The following RPTOR variants were observed in gnomAD, a reference collection of about 807,000 sequenced individuals.
RPTOR encodes regulatory-associated protein of mTOR.
In RPTOR, 21 loss-of-function variants were observed where a neutral mutation model predicts 169.9. That is an observed-to-expected ratio of 0.12 (90% CI 0.09 to 0.18). RPTOR has a LOEUF of 0.18. RPTOR is among the 10% of genes least tolerant of loss of function. The pLI, the probability that RPTOR is intolerant of heterozygous loss-of-function variation, is 1.00. For synonymous variants in RPTOR, 732 were observed against 753.2 expected (o/e 0.97, Z 0.46); for missense variants, 1,133 against 1,855.9 (o/e 0.61, Z 7.16).
chr17:80,897,633 A>G (rs995286665), intron 20 of RPTOR, among the ~76,000 whole-genome samples: 1 of 152,120 alleles, frequency 6.6e-6, no homozygotes, highest in Non-Finnish European at 1.5e-5. Context: ...CTCACCAGCT[A>G]TTTCTTTGGG....
At chr17:80,552,000 C>T (rs2084351791) in intron 1 of RPTOR, among the ~76,000 whole-genome samples, 2 of 152,182 alleles carry the variant, frequency 1.3e-5, no homozygotes, top group South Asian at 2.1e-4. Context: ...ATCCATTTAA[C>T]CCTGAGTTTG....
intron 10 of RPTOR, among the ~76,000 whole-genome samples, chr17:80,839,977 G>A (rs2067609507): frequency 6.6e-6 from 1 of 152,178 alleles, no homozygotes; most frequent in Non-Finnish European, 1.5e-5. Context: ...ACAAGCCGGG[G>A]ATAACTGACG....
chr17:80,842,201 G>T (rs775318086), intron 10 of RPTOR, among the ~76,000 whole-genome samples: 1 of 152,242 alleles, frequency 6.6e-6, no homozygotes, highest in African/African-American at 2.4e-5. Context: ...TCACATCAGA[G>T]CCTGAGACAA....
chr17:80,775,303 G>A (rs1398767030), intron 6 of RPTOR, among the ~76,000 whole-genome samples: 1 of 152,036 alleles, frequency 6.6e-6, no homozygotes, highest in Non-Finnish European at 1.5e-5. Context: ...ACAGGTAGCG[G>A]TCTTGTTATG....
intron 24 of RPTOR, among the ~76,000 whole-genome samples, chr17:80,934,333 C>T (rs932333453): frequency 1.6e-4 from 24 of 151,690 alleles, no homozygotes; most frequent in African/African-American, 5.3e-4. Context: ...CTGAATAGTT[C>T]CTGTCTATTA....
chr17:80,848,875 C>T (rs978711104), intron 11 of RPTOR, among the ~76,000 whole-genome samples: 2 of 152,238 alleles, frequency 1.3e-5, no homozygotes, highest in African/African-American at 4.8e-5. Context: ...AAGGAGAAGA[C>T]GTGCTGGAGG....
intron 1 of RPTOR, among the ~76,000 whole-genome samples, chr17:80,546,726 TG>T (rs2143190081): frequency 6.6e-6 from 1 of 152,356 alleles, no homozygotes; most frequent in Admixed American, 6.5e-5. Flanking sequence ...GGAATATTAT[TG>T]TTTTTTAGTA....
intron 1 of RPTOR, among the ~76,000 whole-genome samples, chr17:80,561,598 A>AT (rs1436429033): frequency 4.6e-5 from 7 of 151,082 alleles, no homozygotes; most frequent in East Asian, 3.9e-4. Flanking sequence ...TGCCTGGCTG[A>AT]TTTTTGTATT....
chr17:80,749,487 C>G (rs375830911), intron 5 of RPTOR, among the ~76,000 whole-genome samples: 1 of 114,570 alleles, frequency 8.7e-6, no homozygotes, highest in African/African-American at 3.4e-5. Flanking sequence ...GGAGGGGCTG[C>G]GGTGTGTGTT....
chr17:80,911,149 C>T (rs4558471), intron 21 of RPTOR, among the ~76,000 whole-genome samples: 2 of 151,662 alleles, frequency 1.3e-5, no homozygotes, highest in African/African-American at 2.4e-5. Flanking sequence ...ATGGTATCAC[C>T]GGTATAGTCA....
At chr17:80,734,530 A>G (rs573499632) in intron 5 of RPTOR, among the ~76,000 whole-genome samples, 1 of 152,366 alleles carries the variant, frequency 6.6e-6, no homozygotes, top group East Asian at 1.9e-4. Context: ...TTTTAATCAA[A>G]TAGCAGTTTG....
intron 23 of RPTOR, 60 bp downstream of exon 23, chr17:80,923,733 G>T (rs994544452): frequency 1.4e-6 from 2 of 1,473,720 alleles, no homozygotes; most frequent in Non-Finnish European, 1.8e-6. Flanking sequence ...TCAGATGGGG[G>T]CTCATGGCCT....
At chr17:80,607,172 C>T (rs1176115857) in intron 1 of RPTOR, among the ~76,000 whole-genome samples, 1 of 152,180 alleles carries the variant, frequency 6.6e-6, no homozygotes, top group Non-Finnish European at 1.5e-5. Flanking sequence ...CCCCTTGCCT[C>T]AAGTGATCTT....
intron 7 of RPTOR, among the ~76,000 whole-genome samples, chr17:80,794,408 C>T (rs185274848): frequency 1.1e-3 from 168 of 152,306 alleles, no homozygotes; most frequent in African/African-American, 3.6e-3. Context: ...CCTATTAGAA[C>T]GGATGACATT....
At chr17:80,903,245 G>A (rs561808771) in intron 20 of RPTOR, among the ~76,000 whole-genome samples, 9 of 152,234 alleles carry the variant, frequency 5.9e-5, no homozygotes, top group East Asian at 1.9e-4. Context: ...CAGAAGCCCC[G>A]CAGGCCGCCT....
In RPTOR at chr17:80,746,740, A is replaced by G. The variant is rs2066579593; in HGVS notation, c.655-7270A>G. ...ATCACAAGCACTCAGCCTTACACGC[A>G]GGCCTGTTTCTGAAAGATAGTTTCA... On this transcript the variant is annotated intron_variant, in intron 5 of 33. Coordinates refer to ENST00000306801, the MANE Select transcript of RPTOR (RefSeq NM_020761.3). This position sits in a 1 kb window ranked among gnomAD's most constrained non-coding sequence, Gnocchi z 4.5. 6.6e-6 allele frequency among the ~76,000 whole-genome samples: 1 copy of G among 152,198 alleles called. No individual in the cohort carries two copies. The highest frequency in any genetic ancestry group is 6.5e-5 in the Admixed American group (1 of 15,276).
chr17:80,723,288 C>T (rs1322007880), intron 4 of RPTOR, among the ~76,000 whole-genome samples: 1 of 151,112 alleles, frequency 6.6e-6, no homozygotes, highest in Non-Finnish European at 1.5e-5. Context: ...AACTGCCATG[C>T]CCTAATTCTA....
intron 5 of RPTOR, among the ~76,000 whole-genome samples, chr17:80,742,605 G>C (rs1380270734): frequency 1.3e-5 from 2 of 151,466 alleles, no homozygotes; most frequent in Non-Finnish European, 2.9e-5. Flanking sequence ...GACATGCATA[G>C]ATGCCACACA....
Position 80,823,073 on chromosome 17 carries a change from C to T in RPTOR, c.992-6C>T. The T allele has an allele frequency of 6.2e-7, 1 of 1,613,872 alleles. No homozygotes were observed. The stretch of plus-strand genomic sequence containing the variant: ...AGACTCCTTTTTATCTTTTATCTGC[C>T]CTCAGATCTCTTCCAAAAGCTCTTC... On this transcript the variant is annotated splice_polypyrimidine_tract_variant and splice_region_variant and intron_variant, in intron 8 of 33. Transcript: ENST00000306801. The surrounding 1 kb of genome is among the most constrained non-coding windows in gnomAD (Gnocchi z 4.5).
Sources: allele counts gnomAD v4.1 joint callset (sites outside exome capture counted in the v4.1 genomes callset), GRCh38; gene constraint gnomAD v4.1.1; non-coding constraint Gnocchi (gnomAD v3.1); transcripts MANE v1.5; gene names NCBI Gene and HGNC (gene_info 2026-07-23, HGNC 2026-07-21).